ABLIM2: variants seen among roughly 807,000 people sequenced by gnomAD.
ABLIM2 encodes actin-binding LIM protein 2.
ABLIM2 carries 53 observed loss-of-function variants against 97.7 expected under a neutral mutation model. The observed-to-expected ratio is 0.54, with a 90% CI of 0.44 to 0.68. ABLIM2 has a LOEUF of 0.68. ABLIM2 is among the 30% of genes least tolerant of loss of function. ABLIM2 has a pLI of 0.00. For synonymous variants in ABLIM2, 361 were observed against 345.8 expected (o/e 1.04, Z -0.49); for missense variants, 835 against 867.2 (o/e 0.96, Z 0.47).
rs1465043571 is a variant in ABLIM2 at position 8,140,759 on chromosome 4, G to T, written c.10+17921C>A. Among the ~76,000 whole-genome samples, 4 of 152,242 alleles carry T rather than the reference G, an allele frequency of 2.6e-5. No individual in the cohort carries two copies. The highest frequency in any genetic ancestry group is 5.9e-5 in the Non-Finnish European group (4 of 68,012). ...GAGTAGCACCCAGACACATGTGGAA[G>T]GAGGGAAAGGGCTGACGATATTCAG... On this transcript the variant is annotated intron_variant, in intron 1 of 20. Coordinates refer to ENST00000447017, the MANE Select transcript of ABLIM2 (RefSeq NM_001130083.2). This position sits in a 1 kb window ranked among gnomAD's most constrained non-coding sequence, Gnocchi z 5.9.
In ABLIM2 at chr4:8,058,658, G is replaced by A. The variant is rs144100027; in HGVS notation, c.763+2309C>T. On this transcript the variant is annotated intron_variant, in intron 7 of 20. Transcript: ENST00000447017. The surrounding 1 kb of genome is among the most constrained non-coding windows in gnomAD (Gnocchi z 4.2). ...CATGGCCCCTGTCCCACCAGTGCTC[G>A]CTGGGACCAGACCCTTGGGTCAGGC... Among the ~76,000 whole-genome samples the A allele has an allele frequency of 9.9e-4, 150 of 152,266 alleles. No homozygotes were observed. In the East Asian group the frequency reaches 0.019, roughly 19 times the overall value.
chr4:8,032,710 A>G lies in ABLIM2; in HGVS notation c.1048-2934T>C. The G allele has an allele frequency of 1.2e-6, 2 of 1,612,164 alleles. No homozygotes were observed. Among genetic ancestry groups the G allele is most frequent in the Non-Finnish European group, 1.7e-6 (2 of 1,179,742 alleles). Reference sequence around the variant, plus strand: ...GGACACAACACACAAAGTGGCCATTAGTGCTGGCGCCAGGCAGAGAGGGAG... The same window carrying G: ...GGACACAACACACAAAGTGGCCATTGGTGCTGGCGCCAGGCAGAGAGGGAG... On this transcript the variant is annotated intron_variant, in intron 10 of 20. Transcript: ENST00000447017. This position sits in a 1 kb window ranked among gnomAD's most constrained non-coding sequence, Gnocchi z 4.3.
chr4:7,979,583 G>A (rs1199247545), intron 20 of ABLIM2, among the ~76,000 whole-genome samples: 1 of 152,236 alleles, frequency 6.6e-6, no homozygotes, highest in Admixed American at 6.5e-5. Context: ...TTACAGATTA[G>A]TCTTTTTCCT....
chr4:8,158,781 C>T lies in ABLIM2; in HGVS notation c.-92G>A. The T allele has an allele frequency of 3.4e-6, 4 of 1,172,938 alleles. No individual in the cohort carries two copies. Among genetic ancestry groups the T allele is most frequent in the South Asian group, 6.3e-5 (2 of 31,786 alleles). 72.7% of individuals were successfully genotyped at this position (1,172,938 alleles called of 1,614,324 possible). On this transcript the variant is annotated 5_prime_UTR_variant, in exon 1 of 21. Transcript: ENST00000447017. ...CCGCGCCCGCGCTATCCTCCGCCCG[C>T]CCGCCGGCTCCGCGCCCGCTCCTTG...
intron 12 of ABLIM2, among the ~76,000 whole-genome samples, chr4:8,025,061 C>G (rs1001323954): frequency 3.9e-5 from 6 of 152,234 alleles, no homozygotes; most frequent in Non-Finnish European, 8.8e-5. Context: ...TCCCTAATAG[C>G]TGGGACCACA....
chr4:8,156,076 A>G (rs1578592133), intron 1 of ABLIM2, among the ~76,000 whole-genome samples: 1 of 152,262 alleles, frequency 6.6e-6, no homozygotes, highest in Non-Finnish European at 1.5e-5. Context: ...ACCTGGGGGA[A>G]TCTGATCTGC....
rs1338703067 is a variant in ABLIM2 at position 8,043,355 on chromosome 4, C to T, written c.900+1809G>A. On this transcript the variant is annotated intron_variant, in intron 9 of 20. Transcript: ENST00000447017. This position sits in a 1 kb window ranked among gnomAD's most constrained non-coding sequence, Gnocchi z 4.8. ...CTTTGTGCGCCTACACAAACATGAT[C>T]TCATTCACATGATAATTGTCATAAT... is the stretch of plus-strand genomic sequence containing the variant. Among the ~76,000 whole-genome samples the T allele has an allele frequency of 6.6e-6, 1 of 152,146 alleles. No homozygotes were observed. The highest frequency in any genetic ancestry group is 2.4e-5 in the African/African-American group (1 of 41,428).
intron 17 of ABLIM2, 87 bp from the exon 18 acceptor site, chr4:7,984,980 G>C: frequency 2.8e-6 from 4 of 1,422,954 alleles, no homozygotes; most frequent in Non-Finnish European, 3.9e-6. Context: ...TGGCCCCTTG[G>C]AGGCCGAGGT....
At chr4:8,143,007 G>A (rs1424769400) in intron 1 of ABLIM2, among the ~76,000 whole-genome samples, 1 of 152,144 alleles carries the variant, frequency 6.6e-6, no homozygotes, top group Non-Finnish European at 1.5e-5. Flanking sequence ...CCTCCCCTCT[G>A]CAGGCCCCCT....
chr4:8,077,408 A>G (rs928994459), intron 6 of ABLIM2, among the ~76,000 whole-genome samples: 1 of 152,238 alleles, frequency 6.6e-6, no homozygotes, highest in African/African-American at 2.4e-5. Context: ...CAAGAGGCAC[A>G]GAAGAGAGCA....
chr4:8,018,760 A>T (rs1241041033), intron 14 of ABLIM2, among the ~76,000 whole-genome samples: 1 of 152,238 alleles, frequency 6.6e-6, no homozygotes. Context: ...CTGGACAAGA[A>T]CGTTTAATAT....
chr4:8,032,650 C>T lies in ABLIM2; in HGVS notation c.1048-2874G>A, dbSNP rs749662148. On this transcript the variant is annotated intron_variant, in intron 10 of 20. Transcript: ENST00000447017. The surrounding 1 kb of genome is among the most constrained non-coding windows in gnomAD (Gnocchi z 4.3). ...ACAGGCGAGAGGGTGGTGGTTACCT[C>T]GGTCGGCGTTGGCGAGAGCAACTGA... 15 of 1,612,364 alleles carry T rather than the reference C, an allele frequency of 9.3e-6. No individual in the cohort carries two copies. The highest frequency in any genetic ancestry group is 2.7e-5 in the African/African-American group (2 of 74,856).
intron 1 of ABLIM2, among the ~76,000 whole-genome samples, chr4:8,153,585 G>C (rs189576495): frequency 5.9e-5 from 9 of 152,342 alleles, no homozygotes; most frequent in Admixed American, 3.3e-4. Flanking sequence ...ATCTGCAGCA[G>C]TGCAGCTGCC....
intron 1 of ABLIM2, among the ~76,000 whole-genome samples, chr4:8,109,905 C>G (rs771785055): frequency 2.0e-5 from 3 of 152,250 alleles, no homozygotes; most frequent in African/African-American, 7.2e-5. Context: ...CTGGTTGAAT[C>G]CACAGCAGGC....
chr4:8,102,034 C>T (rs758920247), intron 2 of ABLIM2, among the ~76,000 whole-genome samples: 1 of 152,210 alleles, frequency 6.6e-6, no homozygotes, highest in Non-Finnish European at 1.5e-5. Context: ...CCCTGGCCTC[C>T]CTGCACAAGC....
At chr4:8,131,490 T>A (rs1849355085) in intron 1 of ABLIM2, among the ~76,000 whole-genome samples, 1 of 152,118 alleles carries the variant, frequency 6.6e-6, no homozygotes, top group African/African-American at 2.4e-5. Flanking sequence ...ATGACTTTAG[T>A]AAAAGAGGGG....
Position 8,088,157 on chromosome 4 carries a change from G to C in ABLIM2, c.454+12C>G, listed in dbSNP as rs1161387134. 2 of 1,569,634 alleles carry C rather than the reference G, an allele frequency of 1.3e-6. No homozygotes were observed. The highest frequency in any genetic ancestry group is 1.7e-6 in the Non-Finnish European group (2 of 1,161,194). The stretch of plus-strand genomic sequence containing the variant: ...CCCCCACTCAACATGCCCCCACTCA[G>C]CGCCCACTTACTTCGGAGGCCCTGG... On this transcript the variant is annotated intron_variant, in intron 4 of 20. Transcript: ENST00000447017.
At chr4:7,973,698 C>T (rs1730197181) in intron 20 of ABLIM2, among the ~76,000 whole-genome samples, 1 of 152,136 alleles carries the variant, frequency 6.6e-6, no homozygotes, top group Non-Finnish European at 1.5e-5. Context: ...CCTGCTAAGC[C>T]CTGCCCTGCC....
chr4:8,129,700 C>T (rs1849090728), intron 1 of ABLIM2, among the ~76,000 whole-genome samples: 1 of 151,942 alleles, frequency 6.6e-6, no homozygotes, highest in Non-Finnish European at 1.5e-5. Flanking sequence ...TCAGCAGCAG[C>T]CAGTGGGGCT....
Sources: allele counts gnomAD v4.1 joint callset (sites outside exome capture counted in the v4.1 genomes callset), GRCh38; gene constraint gnomAD v4.1.1; non-coding constraint Gnocchi (gnomAD v3.1); transcripts MANE v1.5; gene names NCBI Gene and HGNC (gene_info 2026-07-23, HGNC 2026-07-21).